Variants in ANKRD6 observed in about 807,000 individuals in gnomAD.
The protein encoded by ANKRD6 is ankyrin repeat domain 6.
Under a neutral mutation model 82.3 loss-of-function variants are expected in ANKRD6, and 56 were observed. That is an observed-to-expected ratio of 0.68 (90% CI 0.55 to 0.85). ANKRD6 has a LOEUF of 0.85. Among genes scored for constraint, ANKRD6 ranks in the 40% least tolerant of loss-of-function variants. ANKRD6 has a pLI of 0.00. For synonymous variants in ANKRD6, 347 were observed against 352.1 expected (o/e 0.99, Z 0.16); for missense variants, 852 against 907.6 (o/e 0.94, Z 0.79).
intron 2 of ANKRD6, chr6:89,568,115 G>A (rs186450418): frequency 2.0e-5 from 3 of 152,358 alleles, no homozygotes; most frequent in African/African-American, 7.2e-5. Flanking sequence ...ATGGTGATTG[G>A]ATTGTTTGGA....
At chr6:89,441,405 G>A (rs543419397) in intron 1 of ANKRD6, among the ~76,000 whole-genome samples, 15 of 152,012 alleles carry the variant, frequency 9.9e-5, no homozygotes, top group Admixed American at 3.9e-4. Context: ...TGCCTGCCTC[G>A]GCCTCCCAAA....
intron 2 of ANKRD6, among the ~76,000 whole-genome samples, chr6:89,574,324 T>C (rs1264095022): frequency 6.6e-6 from 1 of 152,144 alleles, no homozygotes; most frequent in African/African-American, 2.4e-5. Context: ...CAACCAAAAA[T>C]GTCTCTGGAC....
At chr6:89,452,945 A>G (rs1773032590) in intron 1 of ANKRD6, among the ~76,000 whole-genome samples, 1 of 152,114 alleles carries the variant, frequency 6.6e-6, no homozygotes, top group African/African-American at 2.4e-5. Context: ...CGCTGGACTG[A>G]TGGTTCAGAC....
intron 1 of ANKRD6, among the ~76,000 whole-genome samples, chr6:89,558,680 G>T (rs185259946): frequency 6.6e-6 from 1 of 152,022 alleles, no homozygotes; most frequent in Non-Finnish European, 1.5e-5. Flanking sequence ...AAAACCCATG[G>T]AACTGTACAA....
chr6:89,589,775 G>A (rs1459128436), intron 2 of ANKRD6, among the ~76,000 whole-genome samples: 1 of 152,242 alleles, frequency 6.6e-6, no homozygotes, highest in Non-Finnish European at 1.5e-5. Context: ...GTGCCCCAGT[G>A]GTGTGGACAG....
At chr6:89,471,936 T>A (rs1775521401) in intron 1 of ANKRD6, among the ~76,000 whole-genome samples, 2 of 62,036 alleles carry the variant, frequency 3.2e-5, no homozygotes, top group Non-Finnish European at 2.8e-5. Flanking sequence ...CGAAACTCCA[T>A]CTCAAAAAAA....
At chr6:89,612,435 T>C (rs1471218186) in intron 6 of ANKRD6, 65 bp downstream of exon 6, 5 of 1,403,674 alleles carry the variant, frequency 3.6e-6, no homozygotes, top group Non-Finnish European at 4.9e-6. Flanking sequence ...AATAACTTCA[T>C]GAGCATACTT....
chr6:89,493,413 A>AT lies in ANKRD6; in HGVS notation c.-144+60045dup, dbSNP rs537905456. Among the ~76,000 whole-genome samples, 15 of 150,148 alleles carry AT rather than the reference A, an allele frequency of 1.0e-4. No homozygotes were observed. In the South Asian group the frequency reaches 3.0e-3, roughly 30 times the overall value. ...CTCTCTCTCTCCCTCTCCTTTTTTA[A>AT]TTTTTTTATTCTTTGAGACAGGGTC... On this transcript the variant is annotated intron_variant, in intron 1 of 15. Coordinates refer to ENST00000339746, the MANE Select transcript of ANKRD6 (RefSeq NM_001242809.2).
intron 1 of ANKRD6, among the ~76,000 whole-genome samples, chr6:89,459,806 G>C (rs1165109998): frequency 6.6e-6 from 1 of 152,102 alleles, no homozygotes; most frequent in East Asian, 1.9e-4. Context: ...CCCAGCTTAG[G>C]GTGGTTTTTA....
At chr6:89,520,392 G>A (rs1329305693) in intron 1 of ANKRD6, among the ~76,000 whole-genome samples, 1 of 152,230 alleles carries the variant, frequency 6.6e-6, no homozygotes, top group African/African-American at 2.4e-5. Context: ...GAATAGGAGT[G>A]TGCTGCAAAT....
chr6:89,597,399 G>A (rs1450100394), intron 3 of ANKRD6, among the ~76,000 whole-genome samples: 1 of 152,166 alleles, frequency 6.6e-6, no homozygotes, highest in Non-Finnish European at 1.5e-5. Context: ...GTTATTACTG[G>A]TGCAAACATG....
At chr6:89,592,521 G>A (rs577733763) in intron 2 of ANKRD6, among the ~76,000 whole-genome samples, 87 of 152,242 alleles carry the variant, frequency 5.7e-4, no homozygotes, top group Middle Eastern at 3.4e-3. Flanking sequence ...CTCCACTGGC[G>A]GTTCTTCACT....
chr6:89,463,115 A>T (rs1360812354), intron 1 of ANKRD6, among the ~76,000 whole-genome samples: 1 of 151,988 alleles, frequency 6.6e-6, no homozygotes, highest in Non-Finnish European at 1.5e-5. Context: ...TGATCCTCCC[A>T]CCTTGGCCTC....
intron 1 of ANKRD6, among the ~76,000 whole-genome samples, chr6:89,468,749 T>C (rs1246647116): frequency 1.3e-5 from 2 of 152,108 alleles, no homozygotes; most frequent in African/African-American, 2.4e-5. Context: ...TGGCCCGTAA[T>C]CTGTATTTAG....
chr6:89,490,583 T>C (rs1426854907), intron 1 of ANKRD6, among the ~76,000 whole-genome samples: 1 of 152,224 alleles, frequency 6.6e-6, no homozygotes, highest in Non-Finnish European at 1.5e-5. Flanking sequence ...AAGGCTGTTG[T>C]GACACAGTGG....
chr6:89,533,013 A>AC (rs1783373059), intron 1 of ANKRD6, among the ~76,000 whole-genome samples: 2 of 151,918 alleles, frequency 1.3e-5, no homozygotes, highest in South Asian at 4.1e-4. Context: ...AGCTGGGCTT[A>AC]CAGGCACGTG....
intron 11 of ANKRD6, 47 bp downstream of exon 11, chr6:89,623,591 G>A (rs1446377102): frequency 1.3e-6 from 2 of 1,554,520 alleles, no homozygotes; most frequent in East Asian, 2.4e-5. Context: ...GGGAGGCAGG[G>A]TGGCGAGGGT....
intron 1 of ANKRD6, among the ~76,000 whole-genome samples, chr6:89,534,688 G>A (rs570939552): frequency 3.3e-5 from 5 of 152,322 alleles, no homozygotes; most frequent in African/African-American, 1.2e-4. Flanking sequence ...GTTCAGTGGT[G>A]AGCATTAACA....
At chr6:89,488,318 C>T (rs75570637) in intron 1 of ANKRD6, among the ~76,000 whole-genome samples, 7,907 of 152,316 alleles carry the variant, frequency 0.052, 250 homozygotes, top group South Asian at 0.13. Flanking sequence ...GGTGTAGTGG[C>T]ACATGCCTGC....
Sources: allele counts gnomAD v4.1 joint callset (sites outside exome capture counted in the v4.1 genomes callset), GRCh38; gene constraint gnomAD v4.1.1; transcripts MANE v1.5; gene names NCBI Gene and HGNC (gene_info 2026-07-23, HGNC 2026-07-21).